The following PDE4D variants were observed in gnomAD, a reference collection of about 807,000 sequenced individuals.
PDE4D encodes the protein phosphodiesterase 4D.
PDE4D carries 24 observed loss-of-function variants against 87.4 expected under a neutral mutation model. The ratio of observed to expected loss-of-function variants is 0.27; its 90% CI spans 0.20 to 0.39. The LOEUF (loss-of-function observed/expected upper bound fraction) is 0.39. PDE4D is among the 10% of genes least tolerant of loss of function. PDE4D has a pLI of 1.00. For missense variants in PDE4D, 714 were observed against 1,041.0 expected (o/e 0.69, Z 4.32); for synonymous variants, 384 against 383.2 (o/e 1.00, Z -0.02).
At chr5:59,388,826 AG>A in intron 1 of PDE4D, among the ~76,000 whole-genome samples, 1 of 152,080 alleles carries the variant, frequency 6.6e-6, no homozygotes. Context: ...AGAAACTATA[AG>A]TTTTAAGATT....
chr5:59,313,871 T>C (rs1041008887), intron 1 of PDE4D, among the ~76,000 whole-genome samples: 8 of 152,136 alleles, frequency 5.3e-5, no homozygotes, highest in Non-Finnish European at 1.2e-4. Context: ...GCAACAGCTA[T>C]CAAAGTTCCT....
chr5:59,200,989 C>G lies in PDE4D; in HGVS notation c.648-7453G>C, dbSNP rs532966958. On this transcript the variant is annotated intron_variant, in intron 2 of 14. Transcript: ENST00000340635. ...TAATGAACCATAAAAATTATACATGCCTTTATTCTTTTAAAATATTGTTAA... is the reference window on the plus strand; with the variant it reads ...TAATGAACCATAAAAATTATACATGGCTTTATTCTTTTAAAATATTGTTAA... Among the ~76,000 whole-genome samples the G allele has an allele frequency of 3.3e-5, 5 of 152,004 alleles. No homozygotes were observed. The East Asian group carries it at 9.7e-4, about 29-fold the overall frequency.
rs1582282234 is a variant in PDE4D, at chr5:59,384,059, T to A, written c.456-168091A>T. ...CCATGCCACCACACCTGGCTATTTT[T>A]TTATTTTTTTAGTTTTTTTTATTTT... On this transcript the variant is annotated intron_variant, in intron 1 of 14. Transcript: ENST00000340635. Among the ~76,000 whole-genome samples, 4 of 132,140 alleles carry A rather than the reference T, an allele frequency of 3.0e-5. No homozygotes were observed. In the East Asian group the frequency reaches 9.4e-4, roughly 31 times the overall value. 86.7% of individuals were successfully genotyped at this position (132,140 alleles called of 152,430 possible).
At chr5:59,806,717 T>C (rs1767776907) in intron 1 of PDE4D, among the ~76,000 whole-genome samples, 2 of 152,182 alleles carry the variant, frequency 1.3e-5, no homozygotes, top group African/African-American at 2.4e-5. Flanking sequence ...AGGACTACAG[T>C]TAATAACTAT....
At chr5:60,380,825 C>T (rs996418095) in intron 1 of PDE4D, among the ~76,000 whole-genome samples, 1 of 152,140 alleles carries the variant, frequency 6.6e-6, no homozygotes, top group African/African-American at 2.4e-5. Flanking sequence ...TTTATGTGTC[C>T]AGCAGTATGT....
chr5:59,281,579 A>G (rs1446857610), intron 1 of PDE4D, among the ~76,000 whole-genome samples: 1 of 152,176 alleles, frequency 6.6e-6, no homozygotes, highest in East Asian at 1.9e-4. Context: ...TAAAATTGAC[A>G]TTTTAACCCT....
At position 59,257,428 on chromosome 5, in the gene PDE4D, C is replaced by T. The variant is rs146016139; in HGVS notation, c.456-41460G>A. Among the ~76,000 whole-genome samples, 396 of 152,084 alleles carry T rather than the reference C, an allele frequency of 2.6e-3. 2 individuals carry two copies. Among genetic ancestry groups the T allele is most frequent in the African/African-American group, 8.8e-3 (366 of 41,502 alleles). ...ATCCCTACTGCAGTTTGGGGAACCA[C>T]GGCTTACATCTGTCTTTTGCATCAA... On this transcript the variant is annotated intron_variant, in intron 1 of 14. Coordinates refer to ENST00000340635, the MANE Select transcript of PDE4D (RefSeq NM_001104631.2).
rs1004525000 is a variant in PDE4D, at chr5:60,494,001, T to A, written n.70+28050A>T. On this transcript the variant is annotated intron_variant and non_coding_transcript_variant, in intron 1 of 2. Transcript: ENST00000506510. ...TTTAAAATTGAAACATAGGGTACTTTCTGCAAGATTAAAATTCCAATAAAA... is the reference window on the plus strand; with the variant it reads ...TTTAAAATTGAAACATAGGGTACTTACTGCAAGATTAAAATTCCAATAAAA... Among the ~76,000 whole-genome samples, 13 of 152,184 alleles carry A rather than the reference T, an allele frequency of 8.5e-5. 1 individual carries two copies. Among genetic ancestry groups the A allele is most frequent in the African/African-American group, 2.9e-4 (12 of 41,428 alleles).
At chr5:59,537,591 A>G (rs1216226923) in intron 1 of PDE4D, among the ~76,000 whole-genome samples, 2 of 152,170 alleles carry the variant, frequency 1.3e-5, no homozygotes, top group Non-Finnish European at 2.9e-5. Flanking sequence ...TAACTTCAGA[A>G]GCTTCATAAG....
intron 1 of PDE4D, among the ~76,000 whole-genome samples, chr5:59,698,487 C>T (rs1752116674): frequency 6.9e-6 from 1 of 145,974 alleles, no homozygotes. Flanking sequence ...TCTGAAGCAC[C>T]ACCACATACA....
At chr5:59,233,884 G>A (rs1038696576) in intron 1 of PDE4D, among the ~76,000 whole-genome samples, 11 of 152,120 alleles carry the variant, frequency 7.2e-5, no homozygotes, top group Middle Eastern at 3.2e-3. Flanking sequence ...TTGAGAAGAC[G>A]TAAGGATGGT....
intron 2 of PDE4D, among the ~76,000 whole-genome samples, chr5:60,091,277 T>C (rs1775080439): frequency 6.6e-6 from 1 of 152,120 alleles, no homozygotes; most frequent in African/African-American, 2.4e-5. Flanking sequence ...ACATCCAGAA[T>C]ATACAAGGTA....
chr5:59,596,359 G>A (rs971720300), intron 1 of PDE4D, among the ~76,000 whole-genome samples: 1 of 150,336 alleles, frequency 6.7e-6, no homozygotes, highest in African/African-American at 2.4e-5. Flanking sequence ...AAACACACAA[G>A]GAAGACACAT....
chr5:59,464,094 G>A (rs1246606337), intron 1 of PDE4D, among the ~76,000 whole-genome samples: 1 of 152,194 alleles, frequency 6.6e-6, no homozygotes. Flanking sequence ...AGGCTGCAGG[G>A]ACCTCTGCCT....
intron 5 of PDE4D, among the ~76,000 whole-genome samples, chr5:59,106,971 T>C (rs1771686429): frequency 6.6e-6 from 1 of 152,194 alleles, no homozygotes; most frequent in Non-Finnish European, 1.5e-5. Context: ...CCTGCCTTTT[T>C]AAACTAGTGA....
chr5:60,509,904 G>A (rs932687488), intron 1 of PDE4D, among the ~76,000 whole-genome samples: 2 of 152,162 alleles, frequency 1.3e-5, no homozygotes, highest in African/African-American at 2.4e-5. Flanking sequence ...TATGGAGGAC[G>A]ATGAAAGGGA....
intron 5 of PDE4D, among the ~76,000 whole-genome samples, chr5:59,123,743 T>A (rs1774956254): frequency 6.6e-6 from 1 of 152,204 alleles, no homozygotes; most frequent in South Asian, 2.1e-4. Flanking sequence ...TGGGCTTGCA[T>A]GTCAGAGACT....
rs1187407281 is a variant in PDE4D at position 59,687,966 on chromosome 5, CAAAG to C, written c.455+205198_455+205201del. Among the ~76,000 whole-genome samples the C allele has an allele frequency of 2.0e-5, 3 of 152,172 alleles. 1 individual carries two copies. Among genetic ancestry groups the C allele is most frequent in the Admixed American group, 1.3e-4 (2 of 15,282 alleles). ...TTAAACCAACAAAGATCAAAAGAGA[CAAAG>C]AAGGCCATTACGTAATGGTAAAGGG... On this transcript the variant is annotated intron_variant, in intron 1 of 14. Coordinates refer to ENST00000340635, the MANE Select transcript of PDE4D (RefSeq NM_001104631.2).
intron 1 of PDE4D, among the ~76,000 whole-genome samples, chr5:60,433,397 CTAT>C (rs572940644): frequency 3.3e-5 from 5 of 152,102 alleles, no homozygotes; most frequent in Non-Finnish European, 4.4e-5. Context: ...GTCAGAATGG[CTAT>C]TATTAAGAAG....
Sources: gnomAD v4.1 joint callset for allele counts (sites outside exome capture counted in the v4.1 genomes callset) on GRCh38, gnomAD v4.1.1 for gene constraint, MANE v1.5 for transcripts, NCBI Gene and HGNC (gene_info 2026-07-23, HGNC 2026-07-21) for gene names.